GOLGA4: variants seen among roughly 807,000 people sequenced by gnomAD.
GOLGA4 encodes the protein golgin A4, also known as golgin subfamily A member 4.
In GOLGA4, 169 loss-of-function variants were observed where a neutral mutation model predicts 265.9. The observed-to-expected ratio is 0.64, with a 90% CI of 0.56 to 0.72. The LOEUF (loss-of-function observed/expected upper bound fraction) is 0.72. Ranked by LOEUF, GOLGA4 falls within the 30% of genes least tolerant of loss-of-function variation. The pLI is 0.00. For missense variants in GOLGA4, 2,482 were observed against 2,483.4 expected (o/e 1.00, Z 0.01); for synonymous variants, 923 against 855.8 (o/e 1.08, Z -1.37).
At chr3:37,280,471 C>G (rs369552738) in intron 2 of GOLGA4, among the ~76,000 whole-genome samples, 1 of 152,120 alleles carries the variant, frequency 6.6e-6, no homozygotes, top group African/African-American at 2.4e-5. Context: ...CGTGTTTAGA[C>G]TTGGGTCTCA....
chr3:37,326,044 C>T lies in GOLGA4; in HGVS notation c.4158C>T (p.Ser1386=), dbSNP rs1458953987. ...ATTTGAATGTTCAGCTTCAAAATAG[C>T]ATCAGCCTATCCGAAAAAGAAGCAG... The part of the protein sequence containing the change: ...LTDLNVQLQN[S]ISLSEKEAAI... Residue 1386 remains serine, a synonymous_variant, in exon 14 of 24, where the codon AGC becomes AGT. Coordinates refer to ENST00000361924, the MANE Select transcript of GOLGA4 (RefSeq NM_002078.5). 6.2e-7 allele frequency: 1 copy of T among 1,613,132 alleles called. No individual in the cohort carries two copies. The highest frequency in any genetic ancestry group is 8.5e-7 in the Non-Finnish European group (1 of 1,179,264).
At chr3:37,305,923 C>T (rs1404298913) in intron 10 of GOLGA4, among the ~76,000 whole-genome samples, 19 of 152,186 alleles carry the variant, frequency 1.2e-4, no homozygotes, top group Non-Finnish European at 1.5e-5. Flanking sequence ...GGGAAACAGT[C>T]TCTTAAGCTG....
intron 10 of GOLGA4, 75 bp from the exon 11 acceptor site, chr3:37,315,345 A>G (rs2096934635): frequency 7.7e-7 from 1 of 1,306,688 alleles, no homozygotes; most frequent in Non-Finnish European, 1.1e-6. Flanking sequence ...TTAGTTCTCA[A>G]AAATTGAATG....
chr3:37,251,455 C>G lies in GOLGA4; in HGVS notation c.133C>G (p.Gln45Glu). Residue 45 changes from glutamine to glutamate, a missense_variant, in exon 2 of 24, where the codon CAA (glutamine) becomes GAA (glutamate). Around this residue, in one of 3 missense-constraint regions of GOLGA4, gnomAD observed 1,536 missense variants for 1,483.7 expected, o/e 1.04. Transcript: ENST00000361924. ...MRSRTSSFTE[Q>E]LDEGTPNRES... ...GAGCAGGACATCTTCATTTACAGAGCAACTTGATGAAGGTACACCCAATAG... is the reference window on the plus strand; with the variant it reads ...GAGCAGGACATCTTCATTTACAGAGGAACTTGATGAAGGTACACCCAATAG... 6.2e-7 allele frequency: 1 copy of G among 1,610,194 alleles called. No homozygotes were observed. Among genetic ancestry groups the G allele is most frequent in the Non-Finnish European group, 8.5e-7 (1 of 1,176,472 alleles).
At chr3:37,361,120 G>A (rs1200430776) in intron 22 of GOLGA4, 123 bp from the exon 23 acceptor site, 2 of 738,054 alleles carry the variant, frequency 2.7e-6, no homozygotes, top group East Asian at 2.5e-5. Flanking sequence ...TTGATTTGGG[G>A]AGATTTGAGA....
chr3:37,308,077 A>C (rs973955084), intron 10 of GOLGA4, among the ~76,000 whole-genome samples: 3 of 152,054 alleles, frequency 2.0e-5, no homozygotes, highest in Non-Finnish European at 4.4e-5. Context: ...TACTAAAAAT[A>C]TAAAAATTAG....
chr3:37,337,759 A>G (rs1219622261), intron 19 of GOLGA4, 25 bp downstream of exon 19: 1 of 1,449,750 alleles, frequency 6.9e-7, no homozygotes, highest in Non-Finnish European at 9.7e-7. Flanking sequence ...GGTACCTTTT[A>G]TTTTGAACTA....
At chr3:37,314,701 C>G (rs116419905) in intron 10 of GOLGA4, among the ~76,000 whole-genome samples, 1 of 147,176 alleles carries the variant, frequency 6.8e-6, no homozygotes, top group Non-Finnish European at 1.5e-5. Context: ...CCTTACTACT[C>G]TAGCCAAGAT....
At chr3:37,290,386 T>G (rs1424448849) in intron 5 of GOLGA4, among the ~76,000 whole-genome samples, 1 of 152,234 alleles carries the variant, frequency 6.6e-6, no homozygotes, top group Non-Finnish European at 1.5e-5. Flanking sequence ...TTCTTATTGC[T>G]ATCATGTTTG....
intron 5 of GOLGA4, among the ~76,000 whole-genome samples, chr3:37,291,834 A>G (rs1289451778): frequency 2.0e-5 from 3 of 152,012 alleles, no homozygotes; most frequent in African/African-American, 4.8e-5. Flanking sequence ...ATCTTCCTCT[A>G]TTAGGAAATA....
chr3:37,309,056 A>G (rs1292421112), intron 10 of GOLGA4, among the ~76,000 whole-genome samples: 11 of 148,868 alleles, frequency 7.4e-5, no homozygotes, highest in Non-Finnish European at 1.5e-4. Flanking sequence ...GTTTGAGAAT[A>G]GCCTGGCCAA....
At chr3:37,348,166 A>G (rs776406557) in intron 21 of GOLGA4, among the ~76,000 whole-genome samples, 1 of 152,166 alleles carries the variant, frequency 6.6e-6, no homozygotes, top group African/African-American at 2.4e-5. Context: ...GATTTGGCAA[A>G]TATATTTAAA....
At position 37,328,962 on chromosome 3, in the gene GOLGA4, G is replaced by C; in HGVS notation, c.6062-1G>C. On this transcript the variant is annotated splice_acceptor_variant, in intron 15 of 23. Coordinates refer to ENST00000361924, the MANE Select transcript of GOLGA4 (RefSeq NM_002078.5). LOFTEE classifies it high-confidence loss of function. ...TGTGTGTGTTCATTTTTATTTATTA[G>C]ATAAGGCCCAGGAGGTGGAGGCTGA... 1 of 1,579,948 alleles carries C rather than the reference G, an allele frequency of 6.3e-7. No individual in the cohort carries two copies. The highest frequency in any genetic ancestry group is 8.6e-7 in the Non-Finnish European group (1 of 1,169,212).
At chr3:37,257,381 C>T (rs936257939) in intron 2 of GOLGA4, among the ~76,000 whole-genome samples, 23 of 152,012 alleles carry the variant, frequency 1.5e-4, no homozygotes, top group Admixed American at 6.6e-4. Flanking sequence ...TGGATCAGCC[C>T]AAGTTTACAT....
In GOLGA4 at chr3:37,324,455, G is replaced by A. The variant is rs1398699473; in HGVS notation, c.2569G>A (p.Asp857Asn). 2 of 1,614,180 alleles carry A rather than the reference G, an allele frequency of 1.2e-6. No homozygotes were observed. Residue 857 changes from aspartate to asparagine, a missense_variant, in exon 14 of 24, where the codon GAT (aspartate) becomes AAT (asparagine). Physicochemically the swap from Asp to Asn is conservative, Grantham distance 23. This residue lies in a region of GOLGA4 where 1,536 missense variants were observed against 1,483.7 expected (regional missense o/e 1.04). Coordinates refer to ENST00000361924, the MANE Select transcript of GOLGA4 (RefSeq NM_002078.5). The stretch of plus-strand genomic sequence containing the variant: ...AAAGAAAGATGTTTGTACTGAGTTA[G>A]ATGCTCACAAAATCCAGGTGCAGGA... ...AQKKDVCTEL[D>N]AHKIQVQDLM...
chr3:37,315,248 C>A (rs543923033), intron 10 of GOLGA4, among the ~76,000 whole-genome samples, 172 bp from the exon 11 acceptor site: 4 of 152,194 alleles, frequency 2.6e-5, no homozygotes, highest in African/African-American at 9.7e-5. Flanking sequence ...GGTGACCGAA[C>A]GTTTCTTGTG....
intron 6 of GOLGA4, among the ~76,000 whole-genome samples, chr3:37,295,527 A>G (rs1007587596): frequency 2.6e-5 from 4 of 152,234 alleles, no homozygotes; most frequent in African/African-American, 9.6e-5. Context: ...CTCTTCAGTT[A>G]ATGTTAAGGA....
chr3:37,323,650 A>G lies in GOLGA4; in HGVS notation c.1764A>G (p.Lys588=). The change falls in exon 14 of 24, where the codon AAA becomes AAG. Residue 588 remains lysine, a synonymous_variant. Coordinates refer to ENST00000361924, the MANE Select transcript of GOLGA4 (RefSeq NM_002078.5). ...KSLQENKNQS[K]DLAVHLEAEK... ...TACAAGAAAACAAAAATCAGTCAAA[A>G]GATTTGGCTGTTCATCTGGAAGCTG... 1 of 1,587,338 alleles carries G rather than the reference A, an allele frequency of 6.3e-7. No individual in the cohort carries two copies. The highest frequency in any genetic ancestry group is 8.5e-7 in the Non-Finnish European group (1 of 1,172,192).
chr3:37,337,975 C>T (rs774149976), intron 19 of GOLGA4, among the ~76,000 whole-genome samples: 15 of 152,064 alleles, frequency 9.9e-5, no homozygotes, highest in Middle Eastern at 3.4e-3. Flanking sequence ...AATTTGTGAT[C>T]GTATAATGTA....
Sources: gnomAD v4.1 joint callset for allele counts (sites outside exome capture counted in the v4.1 genomes callset) on GRCh38, gnomAD v4.1.1 for gene constraint, gnomAD v4.1.1 regional missense constraint, MANE v1.5 for transcripts, NCBI Gene and HGNC (gene_info 2026-07-23, HGNC 2026-07-21) for gene names.